ACVR1C: variants seen among roughly 807,000 people sequenced by gnomAD.
ACVR1C encodes activin receptor type-1C.
ACVR1C carries 23 observed loss-of-function variants against 57.9 expected under a neutral mutation model. The ratio of observed to expected loss-of-function variants is 0.40; its 90% CI spans 0.29 to 0.56. The LOEUF (loss-of-function observed/expected upper bound fraction) is 0.56, where lower values mean the gene tolerates loss of function less well. Among genes scored for constraint, ACVR1C ranks in the 20% least tolerant of loss-of-function variants. ACVR1C has a pLI of 0.50. For missense variants in ACVR1C, 480 were observed against 607.9 expected (o/e 0.79, Z 2.21); for synonymous variants, 214 against 215.3 (o/e 0.99, Z 0.05).
At chr2:157,610,512 T>C (rs931793178) in intron 1 of ACVR1C, among the ~76,000 whole-genome samples, 5 of 152,184 alleles carry the variant, frequency 3.3e-5, no homozygotes, top group African/African-American at 1.2e-4. Flanking sequence ...TAATGTACCA[T>C]GAAGAAGACA....
chr2:157,612,130 G>C (rs1682548850), intron 1 of ACVR1C, among the ~76,000 whole-genome samples: 1 of 152,204 alleles, frequency 6.6e-6, no homozygotes, highest in South Asian at 2.1e-4. Context: ...TGCTCTTGGT[G>C]TGGGCAAAGT....
intron 3 of ACVR1C, among the ~76,000 whole-genome samples, chr2:157,555,028 TA>T (rs1688061995): frequency 6.9e-6 from 1 of 145,070 alleles, no homozygotes; most frequent in Non-Finnish European, 1.5e-5. Context: ...AAAATAAAAA[TA>T]AAAAACCTTC....
At chr2:157,584,918 T>G (rs1015592557) in intron 2 of ACVR1C, among the ~76,000 whole-genome samples, 1 of 152,202 alleles carries the variant, frequency 6.6e-6, no homozygotes, top group South Asian at 2.1e-4. Flanking sequence ...AGTAAACTAC[T>G]GATAAACCCA....
At chr2:157,619,905 C>T (rs969757939) in intron 1 of ACVR1C, among the ~76,000 whole-genome samples, 1 of 151,822 alleles carries the variant, frequency 6.6e-6, no homozygotes, top group East Asian at 1.9e-4. Flanking sequence ...ATTAAAGGGG[C>T]CATCACTACA....
intron 1 of ACVR1C, among the ~76,000 whole-genome samples, chr2:157,594,847 CA>C (rs1434649446): frequency 6.6e-6 from 1 of 152,184 alleles, no homozygotes; most frequent in Non-Finnish European, 1.5e-5. Context: ...TGGCTGACAG[CA>C]ATTAGAGCTT....
chr2:157,604,367 T>C (rs1452513461), intron 1 of ACVR1C, among the ~76,000 whole-genome samples: 1 of 152,044 alleles, frequency 6.6e-6, no homozygotes, highest in African/African-American at 2.4e-5. Flanking sequence ...ATGCAGTCTT[T>C]TGAGTCTGGC....
chr2:157,588,378 T>C (rs1005676538), intron 1 of ACVR1C, among the ~76,000 whole-genome samples: 2 of 151,964 alleles, frequency 1.3e-5, no homozygotes, highest in Non-Finnish European at 2.9e-5. Flanking sequence ...TCAAATTTCA[T>C]TTAAATATAT....
intron 1 of ACVR1C, among the ~76,000 whole-genome samples, chr2:157,605,156 T>C (rs1682364117): frequency 1.3e-5 from 2 of 151,778 alleles, no homozygotes; most frequent in Admixed American, 1.3e-4. Context: ...TCTTTCTCCA[T>C]TAAATTGCCT....
chr2:157,609,304 A>T (rs1337347663), intron 1 of ACVR1C, among the ~76,000 whole-genome samples: 1 of 151,714 alleles, frequency 6.6e-6, no homozygotes, highest in Admixed American at 6.6e-5. Context: ...ATTGATTTCT[A>T]GTTTTATTCT....
intron 8 of ACVR1C, among the ~76,000 whole-genome samples, chr2:157,535,599 G>A (rs570850436): frequency 2.0e-4 from 31 of 152,180 alleles, no homozygotes; most frequent in Admixed American, 5.9e-4. Flanking sequence ...AGGCCAAGGC[G>A]GGTGGATCAC....
At chr2:157,588,617 A>G (rs1237813944) in intron 1 of ACVR1C, among the ~76,000 whole-genome samples, 1 of 134,634 alleles carries the variant, frequency 7.4e-6, no homozygotes, top group African/African-American at 2.8e-5. Context: ...TGAGTCTCCA[A>G]TATCCTTTAC....
intron 1 of ACVR1C, among the ~76,000 whole-genome samples, chr2:157,622,737 A>G (rs1232809344): frequency 1.3e-5 from 2 of 152,220 alleles, no homozygotes; most frequent in Non-Finnish European, 2.9e-5. Flanking sequence ...ACAGATGCCC[A>G]AAGCAAACAT....
intron 2 of ACVR1C, 51 bp from the exon 3 acceptor site, chr2:157,556,383 AT>A: frequency 1.3e-6 from 2 of 1,596,180 alleles, no homozygotes; most frequent in African/African-American, 2.7e-5. Flanking sequence ...CATTTTAAGT[AT>A]TTTTGGAATT....
chr2:157,597,764 T>C (rs1380095417), intron 1 of ACVR1C, among the ~76,000 whole-genome samples: 1 of 152,214 alleles, frequency 6.6e-6, no homozygotes, highest in Admixed American at 6.5e-5. Flanking sequence ...TAAAATAAAA[T>C]GCCTTGTCTA....
chr2:157,601,461 A>C (rs974917324), intron 1 of ACVR1C, among the ~76,000 whole-genome samples: 4 of 152,148 alleles, frequency 2.6e-5, no homozygotes, highest in East Asian at 1.9e-4. Flanking sequence ...AAGACATAAA[A>C]GTATAAAAGT....
intron 4 of ACVR1C, among the ~76,000 whole-genome samples, chr2:157,549,637 G>A (rs143320934): frequency 4.9e-4 from 74 of 152,066 alleles, no homozygotes; most frequent in Non-Finnish European, 4.0e-4. Context: ...ATATTTATCC[G>A]TTGGAAAGAG....
intron 1 of ACVR1C, among the ~76,000 whole-genome samples, chr2:157,599,490 A>G (rs2105138291): frequency 6.6e-6 from 1 of 152,218 alleles, no homozygotes; most frequent in Admixed American, 6.5e-5. Context: ...CTCACTCTAG[A>G]TAAGATGTTC....
chr2:157,546,974 C>G lies in ACVR1C; in HGVS notation c.776-2362G>C, dbSNP rs1387585314. 4.7e-5 allele frequency among the ~76,000 whole-genome samples: 6 copies of G among 127,696 alleles called. 1 individual carries two copies. The highest frequency in any genetic ancestry group is 6.2e-4 in the South Asian group (2 of 3,246). The allele number at this position is 127,696 out of a possible 152,430, so 83.8% of individuals were successfully genotyped here. ...CGATGCTATCCCTCTCCCCTCCCCC[C>G]ACCCCACCACAGTCCCCAGAGTGTG... On this transcript the variant is annotated intron_variant, in intron 4 of 8. Coordinates refer to ENST00000243349, the MANE Select transcript of ACVR1C (RefSeq NM_145259.3).
At chr2:157,618,579 G>C (rs1422229421) in intron 1 of ACVR1C, among the ~76,000 whole-genome samples, 1 of 151,652 alleles carries the variant, frequency 6.6e-6, no homozygotes, top group Admixed American at 6.6e-5. Context: ...AGATATATAT[G>C]AGTTAAGCAT....
Sources: gnomAD v4.1 joint callset for allele counts (sites outside exome capture counted in the v4.1 genomes callset) on GRCh38, gnomAD v4.1.1 for gene constraint, MANE v1.5 for transcripts, NCBI Gene and HGNC (gene_info 2026-07-23, HGNC 2026-07-21) for gene names.